The following CLSTN2 variants were observed in gnomAD, a reference collection of about 807,000 sequenced individuals.
The protein encoded by CLSTN2 is calsyntenin 2, also known as calsyntenin-2.
CLSTN2 carries 48 observed loss-of-function variants against 101.2 expected under a neutral mutation model. That is an observed-to-expected ratio of 0.47 (90% CI 0.38 to 0.60). The LOEUF is 0.60. Among genes scored for constraint, CLSTN2 ranks in the 20% least tolerant of loss-of-function variants. The probability of loss-of-function intolerance (pLI) is 0.00; values close to 1 mark genes in which losing one functional copy is unlikely to be tolerated. For missense variants in CLSTN2, 1,160 were observed against 1,238.2 expected (o/e 0.94, Z 0.95); for synonymous variants, 481 against 463.6 (o/e 1.04, Z -0.48).
chr3:140,259,352 T>TA (rs1481760466), intron 2 of CLSTN2, among the ~76,000 whole-genome samples: 1 of 151,996 alleles, frequency 6.6e-6, no homozygotes, highest in African/African-American at 2.4e-5. Flanking sequence ...CAGGCACATG[T>TA]AATCCCAGCT....
intron 7 of CLSTN2, among the ~76,000 whole-genome samples, chr3:140,465,169 C>T (rs1236567240): frequency 6.6e-6 from 1 of 152,108 alleles, no homozygotes. Context: ...TAACTGAAAA[C>T]ATCCAGAGCT....
At chr3:140,159,362 A>T (rs1336455520) in intron 1 of CLSTN2, among the ~76,000 whole-genome samples, 1 of 152,182 alleles carries the variant, frequency 6.6e-6, no homozygotes, top group Non-Finnish European at 1.5e-5. Context: ...TAGACCAAGG[A>T]CATGAACAGA....
chr3:140,477,054 A>G lies in CLSTN2; in HGVS notation c.1344+10323A>G, dbSNP rs1200824715. Among the ~76,000 whole-genome samples the G allele has an allele frequency of 3.3e-5, 5 of 152,166 alleles. No homozygotes were observed. In the East Asian group the frequency reaches 9.6e-4, roughly 29 times the overall value. Reference sequence around the variant, plus strand: ...ATAAGACAAAAGAAGGCTGGAGCCAACTTCCCAGGGAAGACTACTCCTTTG... The same window carrying G: ...ATAAGACAAAAGAAGGCTGGAGCCAGCTTCCCAGGGAAGACTACTCCTTTG... On this transcript the variant is annotated intron_variant, in intron 8 of 16. Transcript: ENST00000458420.
intron 10 of CLSTN2, among the ~76,000 whole-genome samples, chr3:140,551,710 C>T (rs1009570189): frequency 3.3e-5 from 5 of 151,904 alleles, no homozygotes; most frequent in Admixed American, 2.0e-4. Flanking sequence ...CACGTTAATC[C>T]TTTAAGCCCG....
At chr3:140,560,766 C>G (rs1316299337) in intron 12 of CLSTN2, among the ~76,000 whole-genome samples, 1 of 152,086 alleles carries the variant, frequency 6.6e-6, no homozygotes, top group African/African-American at 2.4e-5. Context: ...CAGTCAGCCA[C>G]AGCGGGAGGT....
intron 1 of CLSTN2, among the ~76,000 whole-genome samples, chr3:140,032,804 C>T (rs2007581347): frequency 6.6e-6 from 1 of 152,192 alleles, no homozygotes; most frequent in African/African-American, 2.4e-5. Flanking sequence ...CCCTTGGTCT[C>T]ATGTCCCTCA....
chr3:140,228,028 T>C (rs1489382931), intron 2 of CLSTN2, among the ~76,000 whole-genome samples: 1 of 152,214 alleles, frequency 6.6e-6, no homozygotes, highest in Non-Finnish European at 1.5e-5. Context: ...CCCCTTGTCT[T>C]GGGGATTAAC....
At chr3:140,133,026 G>A (rs1328451978) in intron 1 of CLSTN2, among the ~76,000 whole-genome samples, 2 of 152,188 alleles carry the variant, frequency 1.3e-5, no homozygotes. Flanking sequence ...TTAAAAAAGA[G>A]GTTTATTTGC....
chr3:140,229,779 T>A (rs1165231951), intron 2 of CLSTN2, among the ~76,000 whole-genome samples: 1 of 151,970 alleles, frequency 6.6e-6, no homozygotes, highest in Non-Finnish European at 1.5e-5. Flanking sequence ...CAAGATCTTC[T>A]CTTATAAAGG....
chr3:140,396,502 A>G (rs1576547435), intron 2 of CLSTN2, among the ~76,000 whole-genome samples: 2 of 152,324 alleles, frequency 1.3e-5, no homozygotes, highest in African/African-American at 4.8e-5. Flanking sequence ...AGTGCTTAGC[A>G]TATGTTAACT....
chr3:140,565,708 A>G (rs904328212), intron 16 of CLSTN2, among the ~76,000 whole-genome samples: 10 of 152,226 alleles, frequency 6.6e-5, no homozygotes, highest in African/African-American at 2.4e-4. Flanking sequence ...AGCTCCATTT[A>G]AATAAGCTCC....
At chr3:140,551,739 T>G (rs1341758290) in intron 10 of CLSTN2, among the ~76,000 whole-genome samples, 1 of 151,640 alleles carries the variant, frequency 6.6e-6, no homozygotes, top group Middle Eastern at 3.2e-3. Context: ...GTGTATAAAA[T>G]AAATTGATAT....
At chr3:140,193,387 T>C (rs1399414288) in intron 2 of CLSTN2, among the ~76,000 whole-genome samples, 1 of 151,604 alleles carries the variant, frequency 6.6e-6, no homozygotes, top group African/African-American at 2.4e-5. Context: ...TTTCTTTTCA[T>C]TTTTGAAGGA....
chr3:140,347,921 G>A (rs2087565599), intron 2 of CLSTN2, among the ~76,000 whole-genome samples: 1 of 152,220 alleles, frequency 6.6e-6, no homozygotes, highest in Admixed American at 6.5e-5. Context: ...GCTAGGTTGA[G>A]AAGGATTCTG....
At chr3:140,166,782 CTG>C (rs1318198069) in intron 1 of CLSTN2, among the ~76,000 whole-genome samples, 1 of 152,058 alleles carries the variant, frequency 6.6e-6, no homozygotes, top group Non-Finnish European at 1.5e-5. Context: ...TTTCCAAATG[CTG>C]AAACATCATG....
chr3:140,100,324 G>A (rs554815658), intron 1 of CLSTN2, among the ~76,000 whole-genome samples: 1 of 152,020 alleles, frequency 6.6e-6, no homozygotes, highest in South Asian at 2.1e-4. Context: ...ACCATAAAAT[G>A]TAGAGTTTGC....
At position 140,567,733 on chromosome 3, in the gene CLSTN2, A is replaced by G. The variant is rs1296060541; in HGVS notation, c.*1480A>G. ...ATCCTTCACTCCTCCTCAAGCTCACACCAATTGGTTTGGCACAGGCACAGA... is the reference window on the plus strand; with the variant it reads ...ATCCTTCACTCCTCCTCAAGCTCACGCCAATTGGTTTGGCACAGGCACAGA... On this transcript the variant is annotated 3_prime_UTR_variant, in exon 17 of 17. Coordinates refer to ENST00000458420, the MANE Select transcript of CLSTN2 (RefSeq NM_022131.3). The G allele has an allele frequency of 6.6e-6, 1 of 152,110 alleles. No individual in the cohort carries two copies. 9.4% of individuals were successfully genotyped at this position (152,110 alleles called of 1,614,324 possible).
At chr3:140,461,775 A>T (rs1933568452) in intron 7 of CLSTN2, among the ~76,000 whole-genome samples, 2 of 152,170 alleles carry the variant, frequency 1.3e-5, no homozygotes, top group Admixed American at 1.3e-4. Context: ...TCCCCTGAGA[A>T]GGCATTCAGC....
intron 4 of CLSTN2, 86 bp from the exon 5 acceptor site, chr3:140,421,039 G>T: frequency 7.4e-7 from 1 of 1,346,200 alleles, no homozygotes; most frequent in South Asian, 1.3e-5. Context: ...TTCCTGTGAA[G>T]GTGGGTGGAG....
Sources: allele counts gnomAD v4.1 joint callset (sites outside exome capture counted in the v4.1 genomes callset), GRCh38; gene constraint gnomAD v4.1.1; transcripts MANE v1.5; gene names NCBI Gene and HGNC (gene_info 2026-07-23, HGNC 2026-07-21).